RBMS2: variants seen among roughly 807,000 people sequenced by gnomAD.
RBMS2 encodes the protein RNA-binding motif, single-stranded-interacting protein 2.
RBMS2 carries 38 observed loss-of-function variants against 58.4 expected under a neutral mutation model. The ratio of observed to expected loss-of-function variants is 0.65; its 90% CI spans 0.50 to 0.85. The LOEUF (loss-of-function observed/expected upper bound fraction) is 0.85, where lower values mean the gene tolerates loss of function less well. Ranked by LOEUF, RBMS2 falls within the 40% of genes least tolerant of loss-of-function variation. The pLI is 0.00. For missense variants in RBMS2, 367 were observed against 503.7 expected, an observed-to-expected ratio of 0.73 and a Z score of 2.60; for synonymous variants, 151 against 180.7, an observed-to-expected ratio of 0.84 and a Z score of 1.32.
At chr12:56,558,406 C>T (rs991637765) in intron 1 of RBMS2, among the ~76,000 whole-genome samples, 2 of 149,230 alleles carry the variant, frequency 1.3e-5, no homozygotes, top group Non-Finnish European at 3.0e-5. Flanking sequence ...CCTGGCATCA[C>T]TGATACTTTC....
intron 2 of RBMS2, among the ~76,000 whole-genome samples, chr12:56,564,026 A>C (rs1237551641): frequency 6.6e-6 from 1 of 152,092 alleles, no homozygotes; most frequent in Non-Finnish European, 1.5e-5. Flanking sequence ...CTCACATCAC[A>C]AGACAGAGAA....
At chr12:56,527,412 G>A (rs1444573624) in intron 1 of RBMS2, among the ~76,000 whole-genome samples, 1 of 151,984 alleles carries the variant, frequency 6.6e-6, no homozygotes, top group Non-Finnish European at 1.5e-5. Context: ...AGGAGTTTGA[G>A]ACCAGACTGG....
chr12:56,555,883 A>C (rs950583713), intron 1 of RBMS2, among the ~76,000 whole-genome samples: 1 of 151,822 alleles, frequency 6.6e-6, no homozygotes, highest in Non-Finnish European at 1.5e-5. Flanking sequence ...AGCCACCACA[A>C]ATGTTTTTTA....
chr12:56,589,053 C>G (rs113390998), intron 13 of RBMS2, 35 bp downstream of exon 13: 1 of 1,613,228 alleles, frequency 6.2e-7, no homozygotes, highest in Non-Finnish European at 8.5e-7. Context: ...GGGAGGGCTG[C>G]ACTGGCAGAC....
At chr12:56,530,663 A>T (rs34948728) in intron 1 of RBMS2, among the ~76,000 whole-genome samples, 68,231 of 151,948 alleles carry the variant, frequency 0.45, 16,181 homozygotes, top group East Asian at 0.6. Context: ...CCTGGCTGAG[A>T]TAATTTTCTT....
chr12:56,559,154 A>G (rs1473937158), intron 1 of RBMS2, among the ~76,000 whole-genome samples: 5 of 152,126 alleles, frequency 3.3e-5, no homozygotes, highest in African/African-American at 9.7e-5. Flanking sequence ...CTAAGGATCA[A>G]TAATAGCAAC....
chr12:56,583,676 G>C (rs1322839256), intron 9 of RBMS2, among the ~76,000 whole-genome samples: 1 of 151,612 alleles, frequency 6.6e-6, no homozygotes, highest in African/African-American at 2.4e-5. Context: ...CAAAAAAATT[G>C]TTCCTGTCTT....
chr12:56,586,697 A>T, intron 9 of RBMS2, 152 bp from the exon 10 acceptor site: 1 of 630,916 alleles, frequency 1.6e-6, no homozygotes, highest in Non-Finnish European at 2.7e-6. Context: ...ATTGAGTTTT[A>T]AGAATTGCTA....
intron 1 of RBMS2, among the ~76,000 whole-genome samples, chr12:56,530,852 G>C (rs568829268): frequency 6.6e-6 from 1 of 152,102 alleles, no homozygotes; most frequent in South Asian, 2.1e-4. Flanking sequence ...ATGGCCTTTC[G>C]TTTCATTTGT....
At chr12:56,546,350 A>ATATAATGTACAATATATTGTACAT (rs1342453443) in intron 1 of RBMS2, among the ~76,000 whole-genome samples, 10 of 138,168 alleles carry the variant, frequency 7.2e-5, no homozygotes, top group Non-Finnish European at 1.5e-4. Flanking sequence ...TACATTATAA[A>ATATAATGTACAATATATTGTACAT]TATAATGTAC....
rs890413469 is a variant in RBMS2, at chr12:56,588,523, C to G, written c.1143+149C>G. ...ACGAAGAACGTAGGAAGGATGTGCT[C>G]GCTTCGGCAGCATGCATACTAAAAT... On this transcript the variant is annotated intron_variant, in intron 12 of 13. Coordinates refer to ENST00000262031, the MANE Select transcript of RBMS2 (RefSeq NM_002898.4). 4.0e-5 allele frequency: 29 copies of G among 719,542 alleles called. No homozygotes were observed. In the South Asian group the frequency reaches 5.0e-4, roughly 12 times the overall value. The allele number at this position is 719,542 out of a possible 1,614,324, so 44.6% of individuals were successfully genotyped here.
chr12:56,559,881 T>G, intron 1 of RBMS2, among the ~76,000 whole-genome samples: 1 of 129,028 alleles, frequency 7.8e-6, no homozygotes. Flanking sequence ...AAAAAGGATT[T>G]AGGTCACAAT....
At position 56,562,423 on chromosome 12, in the gene RBMS2, G is replaced by A. The variant is rs369110719; in HGVS notation, c.73G>A (p.Val25Met). ...TCCTCATGTCTCCCTGCAGCCATAT[G>A]TGTCATTGGCTCAGCAGATGGCACC... ...GYNRNNKKPYVSLAQQMAPPS... is the reference protein window; with the variant it reads ...GYNRNNKKPYMSLAQQMAPPS... Residue 25 changes from valine to methionine, a missense_variant, in exon 2 of 14, where the codon GTG (valine) becomes ATG (methionine). Physicochemically the swap from Val to Met is conservative, Grantham distance 21 (BLOSUM62 1). Transcript: ENST00000262031. 1.3e-4 allele frequency: 201 copies of A among 1,601,632 alleles called. No individual in the cohort carries two copies. The highest frequency in any genetic ancestry group is 1.6e-4 in the Non-Finnish European group (185 of 1,168,854).
At chr12:56,562,998 C>T (rs141182263) in intron 2 of RBMS2, among the ~76,000 whole-genome samples, 1 of 152,242 alleles carries the variant, frequency 6.6e-6, no homozygotes, top group African/African-American at 2.4e-5. Flanking sequence ...TGGCGGGTGC[C>T]TGTAGTCCCA....
intron 1 of RBMS2, among the ~76,000 whole-genome samples, chr12:56,528,814 C>G (rs1021718476): frequency 6.6e-6 from 1 of 151,986 alleles, no homozygotes; most frequent in Non-Finnish European, 1.5e-5. Flanking sequence ...GTAGTCCTAG[C>G]TATTCATACT....
chr12:56,584,914 C>T (rs1421138346), intron 9 of RBMS2, among the ~76,000 whole-genome samples: 3 of 150,276 alleles, frequency 2.0e-5, no homozygotes, highest in Non-Finnish European at 4.4e-5. Context: ...ACCTCTGCCT[C>T]CTGGGTTCAA....
At chr12:56,585,045 A>G (rs1018860104) in intron 9 of RBMS2, among the ~76,000 whole-genome samples, 3 of 151,708 alleles carry the variant, frequency 2.0e-5, no homozygotes, top group East Asian at 3.9e-4. Flanking sequence ...CTGGTCTCAA[A>G]CTCCCAACCT....
At chr12:56,579,633 C>CA (rs1166982566) in intron 5 of RBMS2, among the ~76,000 whole-genome samples, 11,042 of 96,160 alleles carry the variant, frequency 0.11, 501 homozygotes, top group Middle Eastern at 0.17. Context: ...GACTCAGTCT[C>CA]AAAAAAAAAA....
intron 5 of RBMS2, chr12:56,573,056 CTTT>C (rs34175256): frequency 1.1e-4 from 95 of 899,214 alleles, no homozygotes; most frequent in South Asian, 2.1e-4. Context: ...ATTCTTTTGA[CTTT>C]TTTTTTTTTT....
Sources: gnomAD v4.1 joint callset for allele counts (sites outside exome capture counted in the v4.1 genomes callset) on GRCh38, gnomAD v4.1.1 for gene constraint, MANE v1.5 for transcripts, NCBI Gene and HGNC (gene_info 2026-07-23, HGNC 2026-07-21) for gene names.